TAX1BP1: variants seen among roughly 807,000 people sequenced by gnomAD.
TAX1BP1 encodes Tax1 binding protein 1.
Under a neutral mutation model 97.7 loss-of-function variants are expected in TAX1BP1, and 62 were observed. That is an observed-to-expected ratio of 0.63 (90% CI 0.52 to 0.78). The LOEUF is 0.78. Among genes scored for constraint, TAX1BP1 ranks in the 30% least tolerant of loss-of-function variants. TAX1BP1 has a pLI of 0.00. For missense variants in TAX1BP1, 867 were observed against 916.1 expected (o/e 0.95, Z 0.69); for synonymous variants, 340 against 304.2 (o/e 1.12, Z -1.23).
chr7:27,793,001 G>A, intron 9 of TAX1BP1, 65 bp from the exon 10 acceptor site: 1 of 1,377,700 alleles, frequency 7.3e-7, no homozygotes, highest in African/African-American at 1.5e-5. Flanking sequence ...TGAAGTTGGG[G>A]TTACTATTAA....
At chr7:27,760,634 T>A (rs1309879125) in intron 3 of TAX1BP1, among the ~76,000 whole-genome samples, 1 of 152,084 alleles carries the variant, frequency 6.6e-6, no homozygotes, top group Non-Finnish European at 1.5e-5. Context: ...GACCTTGTGA[T>A]CCGCCCGCCT....
rs1782613984 is a variant in TAX1BP1, at chr7:27,829,389, G to GT, written c.*564dup. On this transcript the variant is annotated 3_prime_UTR_variant, in exon 17 of 17. Coordinates refer to ENST00000396319, the MANE Select transcript of TAX1BP1 (RefSeq NM_006024.7). Reference sequence around the variant, plus strand: ...ACATGCTTTTATATGTGAAATATTGGTTTTAGCAATTAACAGAAGGCATAC... The same window carrying GT: ...ACATGCTTTTATATGTGAAATATTGGTTTTTAGCAATTAACAGAAGGCATAC... The GT allele has an allele frequency of 6.6e-6, 1 of 152,162 alleles. No homozygotes were observed. The highest frequency in any genetic ancestry group is 6.5e-5 in the Admixed American group (1 of 15,268). The allele number at this position is 152,162 out of a possible 1,614,324, so 9.4% of individuals were successfully genotyped here.
At position 27,816,470 on chromosome 7, in the gene TAX1BP1, C is replaced by T. The variant is rs758878767; in HGVS notation, c.1886C>T (p.Ala629Val). The T allele has an allele frequency of 6.4e-7, 1 of 1,562,984 alleles. No homozygotes were observed. The highest frequency in any genetic ancestry group is 1.2e-5 in the South Asian group (1 of 80,594). ...GGTTATGTTCTCACATTGTCAAATG[C>T]ACAACCAGTTCTGCAATATGGTAAT... is the stretch of plus-strand genomic sequence containing the variant. ...QNGYVLTLSNAQPVLQYGNPY... is the reference protein window; with the variant it reads ...QNGYVLTLSNVQPVLQYGNPY... Residue 629 changes from alanine to valine, a missense_variant, in exon 14 of 17, where the codon GCA becomes GTA. Ala to Val is a moderately conservative substitution (Grantham distance 64). Coordinates refer to ENST00000396319, the MANE Select transcript of TAX1BP1 (RefSeq NM_006024.7).
intron 3 of TAX1BP1, among the ~76,000 whole-genome samples, chr7:27,759,958 A>C (rs1334303065): frequency 6.7e-6 from 1 of 150,146 alleles, no homozygotes; most frequent in African/African-American, 2.5e-5. Flanking sequence ...GGTTCAAGCG[A>C]TTCTTGTGCC....
chr7:27,796,297 T>C, intron 12 of TAX1BP1, 78 bp downstream of exon 12: 1 of 1,189,674 alleles, frequency 8.4e-7, no homozygotes, highest in South Asian at 1.5e-5. Flanking sequence ...TTCAATTGAT[T>C]GGTATCTTTG....
At chr7:27,807,331 CTTTG>C (rs576633246) in intron 13 of TAX1BP1, among the ~76,000 whole-genome samples, 161 of 152,102 alleles carry the variant, frequency 1.1e-3, no homozygotes, top group African/African-American at 3.7e-3. Context: ...ATCCTTAGTA[CTTTG>C]TTTATTGTTT....
rs1782606877 is a variant in TAX1BP1 at position 27,829,316 on chromosome 7, T to C, written c.*487T>C. On this transcript the variant is annotated 3_prime_UTR_variant, in exon 17 of 17. Coordinates refer to ENST00000396319, the MANE Select transcript of TAX1BP1 (RefSeq NM_006024.7). ...AAGTTCTATAATTTAGCCCATGAAA[T>C]GATAGGTTTTTAATTTTCAGAAATG... 6.6e-6 allele frequency: 1 copy of C among 152,300 alleles called. No individual in the cohort carries two copies. Among genetic ancestry groups the C allele is most frequent in the Non-Finnish European group, 1.5e-5 (1 of 68,090 alleles). The allele number at this position is 152,300 out of a possible 1,614,324, so 9.4% of individuals were successfully genotyped here.
chr7:27,745,369 A>T (rs544618951), intron 1 of TAX1BP1, among the ~76,000 whole-genome samples: 2 of 152,314 alleles, frequency 1.3e-5, no homozygotes, highest in South Asian at 4.1e-4. Context: ...TAAGTCTGTT[A>T]TCTGTAGGAG....
intron 13 of TAX1BP1, among the ~76,000 whole-genome samples, chr7:27,809,702 G>A (rs1350268065): frequency 2.0e-5 from 3 of 152,072 alleles, no homozygotes; most frequent in Middle Eastern, 3.4e-3. Flanking sequence ...ATCTTTGATG[G>A]TAGAGTAGGC....
In TAX1BP1 at chr7:27,817,141, C is replaced by T. The variant is rs748245732; in HGVS notation, c.2085+103C>T. 3.5e-5 allele frequency: 47 copies of T among 1,349,842 alleles called. 1 individual carries two copies. The South Asian group carries it at 5.2e-4, about 15-fold the overall frequency. 83.6% of individuals were successfully genotyped at this position (1,349,842 alleles called of 1,614,324 possible). ...ATATGTGTATCTTTGTGCGTGCATG[C>T]GTGTGTGTGGAAGGAGAGTGTGTGC... On this transcript the variant is annotated intron_variant, in intron 15 of 16. Coordinates refer to ENST00000396319, the MANE Select transcript of TAX1BP1 (RefSeq NM_006024.7).
chr7:27,750,493 A>C (rs1202178231), intron 2 of TAX1BP1, among the ~76,000 whole-genome samples: 1 of 152,204 alleles, frequency 6.6e-6, no homozygotes, highest in Non-Finnish European at 1.5e-5. Flanking sequence ...TAGAGGTAGG[A>C]ATGTTCATGA....
intron 13 of TAX1BP1, among the ~76,000 whole-genome samples, chr7:27,806,672 A>G (rs1423075158): frequency 6.6e-6 from 1 of 152,040 alleles, no homozygotes; most frequent in African/African-American, 2.4e-5. Flanking sequence ...GTCTATTTTA[A>G]TATTTGGTTG....
At chr7:27,814,913 A>G (rs1790709386) in intron 13 of TAX1BP1, among the ~76,000 whole-genome samples, 1 of 151,916 alleles carries the variant, frequency 6.6e-6, no homozygotes, top group Admixed American at 6.5e-5. Context: ...ATTTTTTTGT[A>G]TTTTTAGTAG....
At chr7:27,822,277 T>C (rs1054576658) in intron 15 of TAX1BP1, among the ~76,000 whole-genome samples, 1 of 152,208 alleles carries the variant, frequency 6.6e-6, no homozygotes, top group Non-Finnish European at 1.5e-5. Context: ...ATTTGGGTTA[T>C]TTCACTTTTT....
At chr7:27,802,432 G>A (rs1790176928) in intron 13 of TAX1BP1, among the ~76,000 whole-genome samples, 1 of 152,178 alleles carries the variant, frequency 6.6e-6, no homozygotes, top group African/African-American at 2.4e-5. Flanking sequence ...CATCTTTAGG[G>A]AAGAACCATT....
In TAX1BP1 at chr7:27,781,363, C is replaced by G. The variant is rs528051897; in HGVS notation, c.613-3800C>G. On this transcript the variant is annotated intron_variant, in intron 5 of 16. Transcript: ENST00000396319. The stretch of plus-strand genomic sequence containing the variant: ...CTTACACAAACCTAGATAGTATATC[C>G]TACTGCGCACCTAGGCTATATGGTA... Among the ~76,000 whole-genome samples, 8 of 152,276 alleles carry G rather than the reference C, an allele frequency of 5.3e-5. No homozygotes were observed. In the East Asian group the frequency reaches 1.5e-3, roughly 29 times the overall value.
chr7:27,746,366 A>G (rs1161811449), intron 1 of TAX1BP1, among the ~76,000 whole-genome samples: 4 of 145,882 alleles, frequency 2.7e-5, no homozygotes, highest in Non-Finnish European at 6.0e-5. Context: ...TCTTGTAACC[A>G]GTAGTGAGTT....
chr7:27,822,400 T>C (rs992090874), intron 15 of TAX1BP1, among the ~76,000 whole-genome samples: 1 of 152,228 alleles, frequency 6.6e-6, no homozygotes, highest in African/African-American at 2.4e-5. Flanking sequence ...GGAGTGGAAC[T>C]GCTGGGTCAT....
intron 13 of TAX1BP1, chr7:27,803,066 T>A: frequency 6.6e-7 from 1 of 1,515,416 alleles, no homozygotes. Context: ...AAGGAGGGAG[T>A]AGGTAAATGA....
Sources: gnomAD v4.1 joint callset for allele counts (sites outside exome capture counted in the v4.1 genomes callset) on GRCh38, gnomAD v4.1.1 for gene constraint, MANE v1.5 for transcripts, NCBI Gene and HGNC (gene_info 2026-07-23, HGNC 2026-07-21) for gene names.